Variants in MDGA2 observed in about 807,000 individuals in gnomAD.
MDGA2 encodes the protein MAM domain containing glycosylphosphatidylinositol anchor 2.
In MDGA2, 40 loss-of-function variants were observed where a neutral mutation model predicts 117.8. The ratio of observed to expected loss-of-function variants is 0.34; its 90% CI spans 0.26 to 0.44. MDGA2 has a LOEUF of 0.44. Among genes scored for constraint, MDGA2 ranks in the 20% least tolerant of loss-of-function variants. The probability of loss-of-function intolerance (pLI) is 1.00; values close to 1 mark genes in which losing one functional copy is unlikely to be tolerated. For missense variants in MDGA2, 1,123 were observed against 1,250.6 expected (o/e 0.90, Z 1.54); for synonymous variants, 452 against 439.0 (o/e 1.03, Z -0.37).
intron 8 of MDGA2, among the ~76,000 whole-genome samples, chr14:47,025,866 T>G (rs941035376): frequency 6.6e-6 from 1 of 152,140 alleles, no homozygotes; most frequent in African/African-American, 2.4e-5. Context: ...TTTTAGACAT[T>G]TTCAAAGATC....
chr14:47,548,805 G>T (rs1216476613), intron 1 of MDGA2, among the ~76,000 whole-genome samples: 1 of 152,012 alleles, frequency 6.6e-6, no homozygotes, highest in Non-Finnish European at 1.5e-5. Context: ...AAGTATGGCG[G>T]ACATTATCAT....
At chr14:47,301,952 G>C (rs1889299204) in intron 1 of MDGA2, among the ~76,000 whole-genome samples, 1 of 152,160 alleles carries the variant, frequency 6.6e-6, no homozygotes, top group Non-Finnish European at 1.5e-5. Flanking sequence ...AATTTGAATG[G>C]AAGACATTGA....
intron 2 of MDGA2, among the ~76,000 whole-genome samples, chr14:47,255,206 T>C (rs1887578727): frequency 6.6e-6 from 1 of 152,152 alleles, no homozygotes; most frequent in Non-Finnish European, 1.5e-5. Flanking sequence ...AAAGAGATTG[T>C]AAATTGACAA....
At chr14:47,038,610 A>G (rs1315179312) in intron 7 of MDGA2, among the ~76,000 whole-genome samples, 1 of 152,106 alleles carries the variant, frequency 6.6e-6, no homozygotes, top group Non-Finnish European at 1.5e-5. Flanking sequence ...GTTTTACAAA[A>G]TAGCAAAATC....
At chr14:47,506,006 G>C (rs866830468) in intron 1 of MDGA2, among the ~76,000 whole-genome samples, 21 of 152,276 alleles carry the variant, frequency 1.4e-4, no homozygotes, top group Middle Eastern at 6.8e-3. Flanking sequence ...CAAAAAGTTT[G>C]TAGGAGAGAT....
At chr14:47,060,266 C>T (rs192387642) in intron 7 of MDGA2, among the ~76,000 whole-genome samples, 92 of 152,026 alleles carry the variant, frequency 6.1e-4, no homozygotes, top group African/African-American at 2.0e-3. Context: ...TTTTTGTTAG[C>T]CTGAATCATA....
intron 1 of MDGA2, among the ~76,000 whole-genome samples, chr14:47,405,769 T>C (rs1892248264): frequency 6.6e-6 from 1 of 152,174 alleles, no homozygotes; most frequent in African/African-American, 2.4e-5. Flanking sequence ...TTTAAAGTGC[T>C]TGAATTGCTA....
At chr14:47,218,680 C>T (rs116301735) in intron 2 of MDGA2, among the ~76,000 whole-genome samples, 3,408 of 151,958 alleles carry the variant, frequency 0.022, 137 homozygotes, top group African/African-American at 0.076. Flanking sequence ...ACCATAATGG[C>T]TTATTGAGAT....
At chr14:47,109,442 T>C (rs1420088590) in intron 5 of MDGA2, among the ~76,000 whole-genome samples, 1 of 152,176 alleles carries the variant, frequency 6.6e-6, no homozygotes, top group African/African-American at 2.4e-5. Context: ...ATTAGGACAT[T>C]TGCCCCTATG....
intron 8 of MDGA2, among the ~76,000 whole-genome samples, chr14:46,994,054 C>G (rs1308041266): frequency 6.6e-6 from 1 of 151,996 alleles, no homozygotes; most frequent in Non-Finnish European, 1.5e-5. Context: ...AGTTCAACCA[C>G]GGGGTAATCG....
chr14:47,120,016 G>A (rs1881564833), intron 5 of MDGA2, among the ~76,000 whole-genome samples: 1 of 152,072 alleles, frequency 6.6e-6, no homozygotes, highest in African/African-American at 2.4e-5. Context: ...ACATTTGCCA[G>A]CAAAACAAAG....
chr14:47,091,247 T>G (rs1879637891), intron 6 of MDGA2, among the ~76,000 whole-genome samples: 1 of 152,178 alleles, frequency 6.6e-6, no homozygotes, highest in African/African-American at 2.4e-5. Context: ...ATTCTCTCAC[T>G]AAACACATGT....
At chr14:47,267,693 T>A (rs770191040) in intron 2 of MDGA2, among the ~76,000 whole-genome samples, 12 of 152,162 alleles carry the variant, frequency 7.9e-5, no homozygotes, top group Non-Finnish European at 1.8e-4. Flanking sequence ...AACACAATCT[T>A]CCTCAATTGT....
At chr14:47,518,903 G>C (rs1894810027) in intron 1 of MDGA2, among the ~76,000 whole-genome samples, 1 of 152,082 alleles carries the variant, frequency 6.6e-6, no homozygotes. Context: ...GCCCTTGGTT[G>C]TTAAAAAATC....
intron 1 of MDGA2, among the ~76,000 whole-genome samples, chr14:47,539,333 GAA>G: frequency 1.3e-5 from 2 of 152,268 alleles, no homozygotes; most frequent in South Asian, 4.1e-4. Context: ...CCAGAACCAG[GAA>G]AAGAAACCCT....
Position 47,061,582 on chromosome 14 carries a change from C to A in MDGA2, c.1196-4G>T. On this transcript the variant is annotated splice_polypyrimidine_tract_variant and splice_region_variant and intron_variant, in intron 6 of 16. Coordinates refer to ENST00000399232, the MANE Select transcript of MDGA2 (RefSeq NM_001113498.3). ...CAAAATCGTCCTTTTTTTAATGCTA[C>A]AACATAAAAATTCCATAAGGAGTTA... 6.2e-7 allele frequency: 1 copy of A among 1,601,050 alleles called. No homozygotes were observed. The highest frequency in any genetic ancestry group is 8.5e-7 in the Non-Finnish European group (1 of 1,171,882).
chr14:46,861,605 TA>T (rs1427168693), intron 14 of MDGA2, among the ~76,000 whole-genome samples: 1 of 151,890 alleles, frequency 6.6e-6, no homozygotes, highest in Non-Finnish European at 1.5e-5. Flanking sequence ...TTTAAAAAGG[TA>T]AATTTTACTT....
rs142722402 is a variant in MDGA2 at position 47,173,141 on chromosome 14, G to A, written c.596-28867C>T. 1.3e-3 allele frequency among the ~76,000 whole-genome samples: 196 copies of A among 152,252 alleles called. 2 individuals are homozygous for A. Among genetic ancestry groups the A allele is most frequent in the African/African-American group, 4.6e-3 (191 of 41,536 alleles). The stretch of plus-strand genomic sequence containing the variant: ...ACAAACAAAGCCTCCAAGACATATG[G>A]GACTATACGAAAAGACCAAATCTAC... On this transcript the variant is annotated intron_variant, in intron 3 of 16. Coordinates refer to ENST00000399232, the MANE Select transcript of MDGA2 (RefSeq NM_001113498.3).
intron 1 of MDGA2, among the ~76,000 whole-genome samples, chr14:47,638,121 T>C (rs1414597758): frequency 1.3e-5 from 2 of 152,128 alleles, no homozygotes; most frequent in African/African-American, 4.8e-5. Flanking sequence ...AAATACTCAG[T>C]AGAAAAGGGG....
Sources: allele counts gnomAD v4.1 joint callset (sites outside exome capture counted in the v4.1 genomes callset), GRCh38; gene constraint gnomAD v4.1.1; transcripts MANE v1.5; gene names NCBI Gene and HGNC (gene_info 2026-07-23, HGNC 2026-07-21).